ADGRL2: variants seen among roughly 807,000 people sequenced by gnomAD.
ADGRL2 encodes adhesion G protein-coupled receptor L2.
A neutral mutation model predicts 157.4 loss-of-function variants in ADGRL2; 44 were observed. The observed-to-expected ratio is 0.28, with a 90% CI of 0.22 to 0.36. ADGRL2 has a LOEUF of 0.36. ADGRL2 is among the 10% of genes least tolerant of loss of function. The pLI is 1.00. For synonymous variants in ADGRL2, 585 were observed against 624.7 expected (o/e 0.94, Z 0.95); for missense variants, 1,510 against 1,768.9 (o/e 0.85, Z 2.63).
At chr1:81,540,072 G>T (rs1403272730) in intron 2 of ADGRL2, among the ~76,000 whole-genome samples, 1 of 152,118 alleles carries the variant, frequency 6.6e-6, no homozygotes, top group Non-Finnish European at 1.5e-5. Context: ...TCTCAGGCAG[G>T]TCATTTAACT....
chr1:81,586,157 A>G (rs915280549), intron 3 of ADGRL2: 2 of 152,100 alleles, frequency 1.3e-5, no homozygotes, highest in African/African-American at 4.8e-5. Context: ...ATTTTGGTAT[A>G]ATCCAAATCT....
chr1:81,374,783 G>A (rs932539895), intron 1 of ADGRL2, among the ~76,000 whole-genome samples: 7 of 152,094 alleles, frequency 4.6e-5, no homozygotes, highest in African/African-American at 1.7e-4. Flanking sequence ...TTAGGATCCT[G>A]GGATTTACTG....
intron 1 of ADGRL2, among the ~76,000 whole-genome samples, chr1:81,431,449 G>A (rs749034780): frequency 2.0e-5 from 3 of 152,136 alleles, no homozygotes; most frequent in Non-Finnish European, 2.9e-5. Context: ...GGCCACAAAC[G>A]TGGCCCCTAG....
intron 2 of ADGRL2, chr1:81,503,161 A>G (rs1338307771): frequency 1.2e-5 from 20 of 1,614,196 alleles, no homozygotes; most frequent in Non-Finnish European, 1.7e-5. Context: ...CAACTTTTTC[A>G]GCATGGCACG....
intron 2 of ADGRL2, among the ~76,000 whole-genome samples, chr1:81,906,556 A>T (rs1238127295): frequency 6.6e-6 from 1 of 152,204 alleles, no homozygotes; most frequent in Non-Finnish European, 1.5e-5. Context: ...AACTGCTAAG[A>T]TGAAGGTATT....
At chr1:81,381,325 A>G (rs1404579432) in intron 1 of ADGRL2, among the ~76,000 whole-genome samples, 1 of 152,184 alleles carries the variant, frequency 6.6e-6, no homozygotes, top group Non-Finnish European at 1.5e-5. Context: ...AAAATTAGTG[A>G]AGATAGTAGG....
At chr1:81,832,234 C>T (rs1042280134) in intron 1 of ADGRL2, among the ~76,000 whole-genome samples, 3 of 152,258 alleles carry the variant, frequency 2.0e-5, no homozygotes, top group Non-Finnish European at 2.9e-5. Flanking sequence ...CTCCACCTCT[C>T]GGGTTCAAGC....
chr1:81,959,207 A>C (rs570881381), intron 11 of ADGRL2, among the ~76,000 whole-genome samples: 1 of 152,256 alleles, frequency 6.6e-6, no homozygotes, highest in Admixed American at 6.5e-5. Context: ...TGGTTCTTGG[A>C]GGCATCTCAT....
At chr1:81,479,898 T>A (rs185116379) in intron 2 of ADGRL2, among the ~76,000 whole-genome samples, 75 of 152,340 alleles carry the variant, frequency 4.9e-4, no homozygotes, top group Non-Finnish European at 9.4e-4. Flanking sequence ...AATCACACTT[T>A]TATTAGTAAC....
At chr1:81,788,615 C>A (rs189569243) in intron 2 of ADGRL2, among the ~76,000 whole-genome samples, 217 of 152,252 alleles carry the variant, frequency 1.4e-3, no homozygotes, top group Non-Finnish European at 2.6e-3. Context: ...ACAGAAGGCA[C>A]GTTTAGTTTA....
chr1:81,918,392 A>G (rs1213073509), intron 3 of ADGRL2, among the ~76,000 whole-genome samples: 1 of 151,806 alleles, frequency 6.6e-6, no homozygotes, highest in South Asian at 2.1e-4. Flanking sequence ...TTCATTACAT[A>G]TATATATATA....
intron 1 of ADGRL2, among the ~76,000 whole-genome samples, chr1:81,321,395 G>C (rs892958345): frequency 1.3e-5 from 2 of 152,170 alleles, no homozygotes; most frequent in Non-Finnish European, 2.9e-5. Context: ...ACTGGTGCAA[G>C]AGGCCTATGG....
intron 3 of ADGRL2, among the ~76,000 whole-genome samples, chr1:81,909,004 A>C (rs1171587725): frequency 6.6e-6 from 1 of 151,522 alleles, no homozygotes; most frequent in Admixed American, 6.6e-5. Flanking sequence ...CCTCCTGAGT[A>C]GCTGGGATTA....
chr1:81,361,077 C>T lies in ADGRL2; in HGVS notation c.-302+54568C>T, dbSNP rs181531460. ...AATGTTAGTTGCATTATCTTCTTTT[C>T]CCTTCAGTCTTATATTTTAAAAGAA... On this transcript the variant is annotated intron_variant, in intron 1 of 24. Transcript: ENST00000370721. 3.1e-3 allele frequency among the ~76,000 whole-genome samples: 473 copies of T among 151,896 alleles called. 7 individuals are homozygous for T. The South Asian group carries it at 0.048, about 15-fold the overall frequency.
chr1:81,866,858 T>C (rs1448483235), intron 2 of ADGRL2, among the ~76,000 whole-genome samples: 1 of 152,122 alleles, frequency 6.6e-6, no homozygotes, highest in East Asian at 1.9e-4. Context: ...TTGGGATGTA[T>C]GGGGTTTTTT....
chr1:81,561,291 G>T lies in ADGRL2; in HGVS notation c.-247-19585G>T, dbSNP rs529887029. Among the ~76,000 whole-genome samples the T allele has an allele frequency of 1.9e-3, 289 of 152,066 alleles. 3 individuals are homozygous for T. The highest frequency in any genetic ancestry group is 6.8e-3 in the Middle Eastern group (2 of 294). On this transcript the variant is annotated intron_variant, in intron 2 of 24. Transcript: ENST00000370721. ...AAGATAGTGGGATTTTAGTGATTTT[G>T]TTCACCGATATAACTCCCAGACCTG... is the stretch of plus-strand genomic sequence containing the variant.
intron 1 of ADGRL2, among the ~76,000 whole-genome samples, chr1:81,393,799 T>C (rs1239338688): frequency 2.0e-5 from 3 of 149,870 alleles, no homozygotes; most frequent in Non-Finnish European, 4.4e-5. Flanking sequence ...ACATCTACTA[T>C]GTTAATACTA....
chr1:81,801,342 A>G (rs2088075086), intron 1 of ADGRL2, among the ~76,000 whole-genome samples: 1 of 152,132 alleles, frequency 6.6e-6, no homozygotes, highest in South Asian at 2.1e-4. Context: ...GGGAAGGAGG[A>G]GGAGGAGGCT....
intron 2 of ADGRL2, among the ~76,000 whole-genome samples, chr1:81,522,056 C>T (rs2079332268): frequency 1.3e-5 from 2 of 151,798 alleles, no homozygotes; most frequent in East Asian, 1.9e-4. Flanking sequence ...CCTCTGCCTC[C>T]TGGGTTCCGG....
Sources: gnomAD v4.1 joint callset for allele counts (sites outside exome capture counted in the v4.1 genomes callset) on GRCh38, gnomAD v4.1.1 for gene constraint, MANE v1.5 for transcripts, NCBI Gene and HGNC (gene_info 2026-07-23, HGNC 2026-07-21) for gene names.